The following ACOT11 variants were observed in gnomAD, a reference collection of about 807,000 sequenced individuals.
The protein encoded by ACOT11 is acyl-coenzyme A thioesterase 11.
Under a neutral mutation model 77.5 loss-of-function variants are expected in ACOT11, and 69 were observed. That is an observed-to-expected ratio of 0.89 (90% CI 0.73 to 1.09). ACOT11 has a LOEUF of 1.09. Ranked by LOEUF, ACOT11 falls within the 50% of genes least tolerant of loss-of-function variation. ACOT11 has a pLI of 0.00. For missense variants in ACOT11, 766 were observed against 813.7 expected (o/e 0.94, Z 0.71); for synonymous variants, 279 against 313.0 (o/e 0.89, Z 1.15).
At chr1:54,624,356 G>A (rs1304935364) in intron 15 of ACOT11, among the ~76,000 whole-genome samples, 1 of 151,872 alleles carries the variant, frequency 6.6e-6, no homozygotes, top group East Asian at 1.9e-4. Context: ...GCAGATGGTC[G>A]GGACTGAGGG....
At chr1:54,555,439 T>C (rs888034652) in intron 1 of ACOT11, among the ~76,000 whole-genome samples, 2 of 152,218 alleles carry the variant, frequency 1.3e-5, no homozygotes, top group African/African-American at 4.8e-5. Context: ...TTTTTTTTTC[T>C]ATTGAGTTGT....
chr1:54,584,072 C>G lies in ACOT11; in HGVS notation c.34-583C>G, dbSNP rs1289169041. On this transcript the variant is annotated intron_variant, in intron 1 of 15. Transcript: ENST00000343744. This position sits in a 1 kb window ranked among gnomAD's most constrained non-coding sequence, Gnocchi z 6.3. The stretch of plus-strand genomic sequence containing the variant: ...CTGTTGTACCCAGCCCTGGATCAGA[C>G]AGCTGGTCTGTGACTGCCCACAGCC... Among the ~76,000 whole-genome samples, 2 of 152,202 alleles carry G rather than the reference C, an allele frequency of 1.3e-5. No individual in the cohort carries two copies. The highest frequency in any genetic ancestry group is 2.4e-5 in the African/African-American group (1 of 41,458).
intron 1 of ACOT11, among the ~76,000 whole-genome samples, chr1:54,573,911 C>T (rs997815976): frequency 1.7e-4 from 26 of 152,130 alleles, no homozygotes; most frequent in Admixed American, 1.7e-3. Flanking sequence ...TGCCTGTAAT[C>T]CCAGCTACTC....
chr1:54,556,311 G>A (rs1653257928), intron 1 of ACOT11, among the ~76,000 whole-genome samples: 1 of 152,160 alleles, frequency 6.6e-6, no homozygotes, highest in Non-Finnish European at 1.5e-5. Flanking sequence ...TTCGAAATCA[G>A]GTAGTACAGT....
At chr1:54,570,626 C>T (rs143129041) in intron 1 of ACOT11, among the ~76,000 whole-genome samples, 2,005 of 152,196 alleles carry the variant, frequency 0.013, 32 homozygotes, top group East Asian at 0.039. Flanking sequence ...GATTCTCCTG[C>T]CTCAGCCTCC....
intron 10 of ACOT11, 59 bp downstream of exon 10, chr1:54,602,783 A>G (rs1434310148): frequency 7.0e-7 from 1 of 1,430,794 alleles, no homozygotes; most frequent in East Asian, 2.7e-5. Context: ...CGCTCCGCTG[A>G]CCCCAGGGCA....
chr1:54,611,357 G>A (rs571126793), downstream of ACOT11, among the ~76,000 whole-genome samples: 10 of 152,176 alleles, frequency 6.6e-5, no homozygotes, highest in East Asian at 1.4e-3. Context: ...CCGAGATTGC[G>A]CCGCTGCACT....
At chr1:54,597,191 T>A in intron 6 of ACOT11, 68 bp from the exon 7 acceptor site, 1 of 1,589,470 alleles carries the variant, frequency 6.3e-7, no homozygotes, top group Non-Finnish European at 8.5e-7. Context: ...GGGCTGCCTG[T>A]GGGGAGGGGC....
chr1:54,612,757 C>G (rs777614531), downstream of ACOT11: 5 of 1,443,368 alleles, frequency 3.5e-6, no homozygotes, highest in Non-Finnish European at 4.9e-6. Context: ...GCAGCGGCCC[C>G]TTCCTCTCCT....
chr1:54,603,961 A>G, intron 11 of ACOT11, 24 bp downstream of exon 11: 1 of 1,611,848 alleles, frequency 6.2e-7, no homozygotes, highest in Non-Finnish European at 8.5e-7. Context: ...CTCCGAGAGG[A>G]CAGTCTTCAG....
chr1:54,571,013 G>A (rs1653911875), intron 1 of ACOT11, among the ~76,000 whole-genome samples: 1 of 151,040 alleles, frequency 6.6e-6, no homozygotes, highest in South Asian at 2.1e-4. Context: ...GTCAGATCCT[G>A]TTCTAAGCAC....
At chr1:54,608,744 AGTGCCCGAGGAAGGGTTGGGG>A in intron 15 of ACOT11, among the ~76,000 whole-genome samples, 192 bp from the exon 16 acceptor site, 1 of 152,212 alleles carries the variant, frequency 6.6e-6, no homozygotes, top group East Asian at 1.9e-4. Context: ...CAGGGTTGTC[AGTGCCCGAGGAAGGGTTGGGG>A]GAGATCAGCT....
Position 54,610,197 on chromosome 1 carries a change from A to T in ACOT11, c.*1085A>T, listed in dbSNP as rs770560230. 6 of 1,433,860 alleles carry T rather than the reference A, an allele frequency of 4.2e-6. No homozygotes were observed. The African/African-American group carries it at 7.2e-5, about 17-fold the overall frequency. The allele number at this position is 1,433,860 out of a possible 1,614,324, so 88.8% of individuals were successfully genotyped here. On this transcript the variant is annotated 3_prime_UTR_variant, in exon 16 of 16. Transcript: ENST00000343744. ...GCTGGTGCCGGCCTTGCCTGCAGCAATGTAGCTGAGGACTGGTCTGAAGGC... is the reference window on the plus strand; with the variant it reads ...GCTGGTGCCGGCCTTGCCTGCAGCATTGTAGCTGAGGACTGGTCTGAAGGC...
chr1:54,610,564 C>T, downstream of ACOT11: 3 of 1,608,224 alleles, frequency 1.9e-6, no homozygotes, highest in Non-Finnish European at 2.6e-6. Flanking sequence ...CACTGTGGGG[C>T]CCCAAATCGC....
chr1:54,620,544 A>G lies in ACOT11; in HGVS notation c.1630-10190A>G, dbSNP rs562668837. Among the ~76,000 whole-genome samples the G allele has an allele frequency of 6.6e-5, 10 of 150,658 alleles. No homozygotes were observed. The East Asian group carries it at 2.0e-3, about 30-fold the overall frequency. ...AACATGGTGAAACCATGTCTCTACT[A>G]CACATACAAAAATTAGCTGGATGGA... On this transcript the variant is annotated intron_variant, in intron 15 of 16. Transcript: ENST00000371316.
At chr1:54,549,926 G>T (rs1348212067) in intron 1 of ACOT11, among the ~76,000 whole-genome samples, 1 of 152,154 alleles carries the variant, frequency 6.6e-6, no homozygotes, top group Non-Finnish European at 1.5e-5. Context: ...AGTAACTGGG[G>T]GCAAGGCACT....
intron 8 of ACOT11, among the ~76,000 whole-genome samples, chr1:54,600,323 C>G (rs563235311): frequency 9.2e-5 from 14 of 152,288 alleles, no homozygotes; most frequent in African/African-American, 3.4e-4. Flanking sequence ...ATAATGTCCA[C>G]ACTCTGCAAT....
At chr1:54,555,134 T>G (rs547286792) in intron 1 of ACOT11, among the ~76,000 whole-genome samples, 1 of 152,192 alleles carries the variant, frequency 6.6e-6, no homozygotes, top group Non-Finnish European at 1.5e-5. Context: ...TAATTTTTTG[T>G]ATTTTCAGTA....
rs1654174349 is a variant in ACOT11, at chr1:54,577,991, A to T, written c.34-6664A>T. 1.3e-5 allele frequency among the ~76,000 whole-genome samples: 2 copies of T among 152,316 alleles called. 1 individual carries two copies. Among genetic ancestry groups the T allele is most frequent in the Admixed American group, 1.3e-4 (2 of 15,300 alleles). ...TCCTTAGGATCCCTCTCGGGGCTGC[A>T]TGAGCCAGGCACCAGGGGTCATGAT... On this transcript the variant is annotated intron_variant, in intron 1 of 15. Coordinates refer to ENST00000343744, the MANE Select transcript of ACOT11 (RefSeq NM_147161.4).
Sources: allele counts gnomAD v4.1 joint callset (sites outside exome capture counted in the v4.1 genomes callset), GRCh38; gene constraint gnomAD v4.1.1; non-coding constraint Gnocchi (gnomAD v3.1); transcripts MANE v1.5; gene names NCBI Gene and HGNC (gene_info 2026-07-23, HGNC 2026-07-21).